Variants in SLC22A6 observed in about 807,000 individuals in gnomAD.
SLC22A6 encodes the protein solute carrier family 22 member 6.
Under a neutral mutation model 56.7 loss-of-function variants are expected in SLC22A6, and 45 were observed. That is an observed-to-expected ratio of 0.79 (90% CI 0.63 to 1.02). SLC22A6 has a LOEUF of 1.02. SLC22A6 is among the 50% of genes least tolerant of loss of function. SLC22A6 has a pLI of 0.00. For missense variants in SLC22A6, 606 were observed against 713.8 expected, an observed-to-expected ratio of 0.85 and a Z score of 1.72; for synonymous variants, 291 against 295.9, an observed-to-expected ratio of 0.98 and a Z score of 0.17.
Position 62,977,312 on chromosome 11 carries a change from G to A in SLC22A6, c.1437C>T (p.Ala479=), listed in dbSNP as rs765253931. The A allele has an allele frequency of 8.7e-6, 14 of 1,613,840 alleles. No homozygotes were observed. In the African/African-American group the frequency reaches 1.1e-4, roughly 12 times the overall value. ...AGAGAGGCATGGAGGGGTAGAGCTCGGCAGTCATGCTCACCAGTGGGCTCA... is the reference window on the plus strand; with the variant it reads ...AGAGAGGCATGGAGGGGTAGAGCTCAGCAGTCATGCTCACCAGTGGGCTCA... The part of the protein sequence containing the change: ...SIVSPLVSMT[A]ELYPSMPLFI... The change falls in exon 9 of 10, where the codon GCC becomes GCT. Residue 479 remains alanine, a synonymous_variant. Transcript: ENST00000360421.
chr11:62,981,418 C>T, intron 4 of SLC22A6, 35 bp from the exon 5 acceptor site: 3 of 1,116,398 alleles, frequency 2.7e-6, no homozygotes, highest in Non-Finnish European at 3.5e-6. Flanking sequence ...GTCAGCATGG[C>T]TTCAGTTCCA....
At chr11:62,980,843 G>A (rs1258420878) in intron 6 of SLC22A6, 142 bp downstream of exon 6, 1 of 659,882 alleles carries the variant, frequency 1.5e-6, no homozygotes, top group African/African-American at 1.8e-5. Flanking sequence ...GGTTCCTAAG[G>A]ATGATCCCTA....
Position 62,979,479 on chromosome 11 carries a change from C to T in SLC22A6, c.1361+9G>A. 6.5e-7 allele frequency: 1 copy of T among 1,541,662 alleles called. No homozygotes were observed. Among genetic ancestry groups the T allele is most frequent in the Non-Finnish European group, 9.0e-7 (1 of 1,114,010 alleles). Reference sequence around the variant, plus strand: ...AAGGCTGTCATTCTCCCATTAGGCTCCCACTCACCGGATCATTGTGGGATA... The same window carrying T: ...AAGGCTGTCATTCTCCCATTAGGCTTCCACTCACCGGATCATTGTGGGATA... On this transcript the variant is annotated intron_variant, in intron 8 of 9. Transcript: ENST00000360421.
rs1027075922 is a variant in SLC22A6, at chr11:62,981,114, C to T, written c.922-14G>A. On this transcript the variant is annotated splice_polypyrimidine_tract_variant and intron_variant, in intron 5 of 9. Transcript: ENST00000360421. Reference sequence around the variant, plus strand: ...GGCCCGGAGTACCTGCTGGGACCGGCAGAGCTCAGGGCCCGGGATCCTCCC... The same window carrying T: ...GGCCCGGAGTACCTGCTGGGACCGGTAGAGCTCAGGGCCCGGGATCCTCCC... The T allele has an allele frequency of 1.2e-6, 2 of 1,610,070 alleles. No homozygotes were observed. The highest frequency in any genetic ancestry group is 1.7e-6 in the Non-Finnish European group (2 of 1,177,548).
Position 62,984,605 on chromosome 11 carries a change from A to T in SLC22A6, c.86T>A (p.Leu29His). 2 of 1,613,616 alleles carry T rather than the reference A, an allele frequency of 1.2e-6. No homozygotes were observed. The highest frequency in any genetic ancestry group is 1.7e-6 in the Non-Finnish European group (2 of 1,179,822). The change falls in exon 1 of 10, where the codon CTC becomes CAC. Residue 29 changes from leucine (L) to histidine (H), a missense_variant. Leu to His is a moderately conservative substitution (Grantham distance 99). Transcript: ENST00000360421. ...CAGGGTGTTGTGAGAAGCCATCAGG[A>T]GCAGGGGGAGGACCACCAGGGTGAC... is the stretch of plus-strand genomic sequence containing the variant. ...IQVTLVVLPL[L>H]LMASHNTLQN...
chr11:62,980,670 C>T lies in SLC22A6; in HGVS notation c.1037+315G>A, dbSNP rs148336784. ...GCCAGTAAAATCTATGAATATTTTG[C>T]AAGCCAGACTGGTCTCTGCCTTCAT... On this transcript the variant is annotated intron_variant, in intron 6 of 9. Transcript: ENST00000360421. 1.2e-4 allele frequency among the ~76,000 whole-genome samples: 18 copies of T among 152,358 alleles called. No individual in the cohort carries two copies. The East Asian group carries it at 3.5e-3, about 29-fold the overall frequency.
chr11:62,983,703 G>A lies in SLC22A6; in HGVS notation c.474-12C>T, dbSNP rs1448531510. 1 of 1,602,716 alleles carries A rather than the reference G, an allele frequency of 6.2e-7. No homozygotes were observed. The highest frequency in any genetic ancestry group is 2.2e-5 in the East Asian group (1 of 44,722). ...TCCGGCGGCCTAGCCTGTGGGAGGAGGGGAGACTTGTAGCAGGGCCCTGGA... is the reference window on the plus strand; with the variant it reads ...TCCGGCGGCCTAGCCTGTGGGAGGAAGGGAGACTTGTAGCAGGGCCCTGGA... On this transcript the variant is annotated splice_polypyrimidine_tract_variant and intron_variant, in intron 2 of 9. Coordinates refer to ENST00000360421, the MANE Select transcript of SLC22A6 (RefSeq NM_153276.3). This position sits in a 1 kb window ranked among gnomAD's most constrained non-coding sequence, Gnocchi z 4.5.
chr11:62,982,583 G>A (rs138920738), intron 3 of SLC22A6, among the ~76,000 whole-genome samples: 18 of 152,298 alleles, frequency 1.2e-4, no homozygotes, highest in African/African-American at 4.3e-4. Flanking sequence ...GCCCAGTCCC[G>A]GTTAATTCCT....
Position 62,977,217 on chromosome 11 carries a change from G to A in SLC22A6, c.1532C>T (p.Pro511Leu). 1 of 1,614,200 alleles carries A rather than the reference G, an allele frequency of 6.2e-7. No homozygotes were observed. The highest frequency in any genetic ancestry group is 8.5e-7 in the Non-Finnish European group (1 of 1,180,050). The change falls in exon 9 of 10, where the codon CCA (proline) becomes CTA (leucine). Residue 511 changes from proline (P) to leucine (L), a missense_variant. Physicochemically the swap from Pro to Leu is moderately conservative, Grantham distance 98 (BLOSUM62 -3). Coordinates refer to ENST00000360421, the MANE Select transcript of SLC22A6 (RefSeq NM_153276.3). ...CAGGTCCTGCACCGTGTCTGGCAGTGGCTGGCCCAGGGTCTCTGGCAGGAG... is the reference window on the plus strand; with the variant it reads ...CAGGTCCTGCACCGTGTCTGGCAGTAGCTGGCCCAGGGTCTCTGGCAGGAG... Reference protein sequence around the residue: ...TVLLPETLGQPLPDTVQDLES... With the variant: ...TVLLPETLGQLLPDTVQDLES...
At chr11:62,984,227 C>T (rs2086290017) in intron 1 of SLC22A6, 95 bp downstream of exon 1, 2 of 1,465,852 alleles carry the variant, frequency 1.4e-6, no homozygotes, top group Non-Finnish European at 9.2e-7. Flanking sequence ...TTAAAAAACT[C>T]AGCAGTTAAT....
At chr11:62,982,671 C>G (rs536421992) in intron 3 of SLC22A6, among the ~76,000 whole-genome samples, 1 of 152,220 alleles carries the variant, frequency 6.6e-6, no homozygotes, top group Non-Finnish European at 1.5e-5. Flanking sequence ...TTCCCTTCTT[C>G]TTGGCCTTGG....
At position 62,977,235 on chromosome 11, in the gene SLC22A6, G is replaced by A. The variant is rs765449241; in HGVS notation, c.1514C>T (p.Pro505Leu). The A allele has an allele frequency of 7.4e-6, 12 of 1,614,136 alleles. No individual in the cohort carries two copies. Among genetic ancestry groups the A allele is most frequent in the Non-Finnish European group, 1.0e-5 (12 of 1,180,042 alleles). Residue 505 changes from proline (P) to leucine (L), a missense_variant, in exon 9 of 10, where the codon CCA (proline) becomes CTA (leucine). Coordinates refer to ENST00000360421, the MANE Select transcript of SLC22A6 (RefSeq NM_153276.3). ...VAASAVTVLL[P>L]ETLGQPLPDT... ...TGGCAGTGGCTGGCCCAGGGTCTCT[G>A]GCAGGAGGACAGTGACAGCGCTGGC...
At position 62,979,965 on chromosome 11, in the gene SLC22A6, A is replaced by T. The variant is rs1489375698; in HGVS notation, c.1038-17T>A. 7 of 1,592,798 alleles carry T rather than the reference A, an allele frequency of 4.4e-6. No homozygotes were observed. Among genetic ancestry groups the T allele is most frequent in the Non-Finnish European group, 6.0e-6 (7 of 1,160,794 alleles). On this transcript the variant is annotated splice_polypyrimidine_tract_variant and intron_variant, in intron 6 of 9. Transcript: ENST00000360421. ...GTGGCAAACCTAGCAGAGAGAAGAGAGGAGTATGGAGTTTGTTAGGAAGGC... is the reference window on the plus strand; with the variant it reads ...GTGGCAAACCTAGCAGAGAGAAGAGTGGAGTATGGAGTTTGTTAGGAAGGC...
chr11:62,984,523 G>T lies in SLC22A6; in HGVS notation c.168C>A (p.Asn56Lys). ...THHCRPPADA[N>K]LSKNGGLEVW... ...CCTCCAGCCCCCCGTTCTTGCTGAG[G>T]TTGGCATCGGCAGGCGGGCGGCAGT... Residue 56 changes from asparagine (N) to lysine (K), a missense_variant, in exon 1 of 10, where the codon AAC becomes AAA. Physicochemically the swap from Asn to Lys is moderately conservative, Grantham distance 94. Coordinates refer to ENST00000360421, the MANE Select transcript of SLC22A6 (RefSeq NM_153276.3). 6.2e-7 allele frequency: 1 copy of T among 1,614,036 alleles called. No homozygotes were observed. Among genetic ancestry groups the T allele is most frequent in the Non-Finnish European group, 8.5e-7 (1 of 1,179,970 alleles).
At position 62,983,123 on chromosome 11, in the gene SLC22A6, A is replaced by C. The variant is rs10792366; in HGVS notation, c.628+414T>G. 0.31 allele frequency among the ~76,000 whole-genome samples: 47,278 copies of C among 151,402 alleles called. 7,722 individuals carry two copies. The highest frequency in any genetic ancestry group is 0.44 in the East Asian group (2,268 of 5,126). ...GCAGTGGCGCAATCTCCGCTCACTG[A>C]AAGCTCCGCCTCCCGGGTTCACGCC... On this transcript the variant is annotated intron_variant, in intron 3 of 9. Transcript: ENST00000360421. The surrounding 1 kb of genome is among the most constrained non-coding windows in gnomAD (Gnocchi z 4.5).
chr11:62,980,858 G>A, intron 6 of SLC22A6, 127 bp downstream of exon 6: 1 of 712,266 alleles, frequency 1.4e-6, no homozygotes, highest in Non-Finnish European at 2.3e-6. Context: ...TCCCTAGTGT[G>A]GGGTTACTGC....
In SLC22A6 at chr11:62,977,350, C is replaced by T. The variant is rs1316708089; in HGVS notation, c.1399G>A (p.Val467Met). ...GMGMGSTMAR[V>M]GSIVSPLVSM... is the part of the protein sequence containing the mutation. The stretch of plus-strand genomic sequence containing the variant: ...ACCAGTGGGCTCACGATGCTGCCCA[C>T]TCGGGCCATGGTGCTGCCCATTCCC... The change falls in exon 9 of 10, where the codon GTG (valine) becomes ATG (methionine). Residue 467 changes from valine to methionine, a missense_variant. Physicochemically the swap from Val to Met is conservative, Grantham distance 21. Transcript: ENST00000360421. 1 of 1,612,700 alleles carries T rather than the reference C, an allele frequency of 6.2e-7. No individual in the cohort carries two copies. The highest frequency in any genetic ancestry group is 8.5e-7 in the Non-Finnish European group (1 of 1,179,944).
At chr11:62,982,068 G>A (rs2086262175) in intron 3 of SLC22A6, 58 bp from the exon 4 acceptor site, 1 of 1,536,708 alleles carries the variant, frequency 6.5e-7, no homozygotes, top group East Asian at 2.3e-5. Flanking sequence ...GCTAGTAAAG[G>A]CCCCTCCCTC....
At chr11:62,980,551 G>A (rs2086241148) in intron 6 of SLC22A6, among the ~76,000 whole-genome samples, 2 of 152,250 alleles carry the variant, frequency 1.3e-5, no homozygotes, top group Non-Finnish European at 2.9e-5. Flanking sequence ...CAAAGGGAAA[G>A]GAAGATTTTC....
Sources: allele counts gnomAD v4.1 joint callset (sites outside exome capture counted in the v4.1 genomes callset), GRCh38; gene constraint gnomAD v4.1.1; non-coding constraint Gnocchi (gnomAD v3.1); transcripts MANE v1.5; gene names NCBI Gene and HGNC (gene_info 2026-07-23, HGNC 2026-07-21).